The following SCFD1 variants were observed in gnomAD, a reference collection of about 807,000 sequenced individuals.
The protein encoded by SCFD1 is sec1 family domain-containing protein 1.
A neutral mutation model predicts 103.2 loss-of-function variants in SCFD1; 37 were observed. The observed-to-expected ratio is 0.36, with a 90% CI of 0.28 to 0.47. The LOEUF (loss-of-function observed/expected upper bound fraction) is 0.47, where lower values mean the gene tolerates loss of function less well. SCFD1 is among the 20% of genes least tolerant of loss of function. The pLI, the probability that SCFD1 is intolerant of heterozygous loss-of-function variation, is 1.00. For missense variants in SCFD1, 639 were observed against 761.2 expected (o/e 0.84, Z 1.89); for synonymous variants, 264 against 245.0 (o/e 1.08, Z -0.73).
At chr14:30,697,814 A>G (rs913466878) in intron 15 of SCFD1, among the ~76,000 whole-genome samples, 17 of 152,248 alleles carry the variant, frequency 1.1e-4, no homozygotes, top group East Asian at 5.8e-4. Context: ...ATGCAAGTCA[A>G]GGAAAAATGG....
intron 23 of SCFD1, among the ~76,000 whole-genome samples, chr14:30,732,314 TAC>T (rs1358703196): frequency 1.3e-5 from 2 of 152,242 alleles, no homozygotes; most frequent in Middle Eastern, 3.2e-3. Context: ...GAACCTTCAG[TAC>T]ATTGTTGAAT....
chr14:30,657,745 TAATA>T (rs1317514404), intron 10 of SCFD1, among the ~76,000 whole-genome samples: 1 of 152,220 alleles, frequency 6.6e-6, no homozygotes, highest in Non-Finnish European at 1.5e-5. Context: ...TTAAAACGCT[TAATA>T]ATTATACCCT....
At position 30,633,970 on chromosome 14, in the gene SCFD1, C is replaced by A; in HGVS notation, c.245C>A (p.Pro82His). Reference sequence around the variant, plus strand: ...AGGCTTTTACACTCTGATCGAGATCCTATTCCAGATGTTCCTGCAGTATAC... The same window carrying A: ...AGGCTTTTACACTCTGATCGAGATCATATTCCAGATGTTCCTGCAGTATAC... The part of the protein sequence containing the change: ...LHLLLHSDRD[P>H]IPDVPAVYFV... The change falls in exon 4 of 25, where the codon CCT becomes CAT. Residue 82 changes from proline (P) to histidine (H), a missense_variant. Transcript: ENST00000458591. The A allele has an allele frequency of 6.2e-7, 1 of 1,601,262 alleles. No individual in the cohort carries two copies. Among genetic ancestry groups the A allele is most frequent in the Non-Finnish European group, 8.5e-7 (1 of 1,171,740 alleles).
At chr14:30,707,937 A>AT in intron 18 of SCFD1, 53 bp from the exon 19 acceptor site, 2 of 1,179,386 alleles carry the variant, frequency 1.7e-6, no homozygotes, top group South Asian at 2.4e-5. Flanking sequence ...TCGATAACAG[A>AT]TTGGAGAGGC....
At chr14:30,716,070 G>A in intron 20 of SCFD1, 93 bp downstream of exon 20, 1 of 759,674 alleles carries the variant, frequency 1.3e-6, no homozygotes, top group Non-Finnish European at 2.3e-6. Context: ...TTCCTTGTGA[G>A]CTTAATCACA....
intron 3 of SCFD1, among the ~76,000 whole-genome samples, chr14:30,631,295 G>A (rs1409826759): frequency 6.6e-6 from 1 of 152,186 alleles, no homozygotes; most frequent in Admixed American, 6.5e-5. Flanking sequence ...AGAGGTTGCA[G>A]TGAGCCGAGA....
intron 23 of SCFD1, among the ~76,000 whole-genome samples, chr14:30,731,092 A>G (rs1594778824): frequency 6.6e-6 from 1 of 152,184 alleles, no homozygotes; most frequent in African/African-American, 2.4e-5. Flanking sequence ...TCCCAGCACC[A>G]TTTATTAAAT....
chr14:30,670,473 G>GAA, intron 11 of SCFD1, 78 bp downstream of exon 11: 2 of 1,064,292 alleles, frequency 1.9e-6, no homozygotes, highest in Non-Finnish European at 2.6e-6. Context: ...ATGAATTTGA[G>GAA]AAAAAAAAGG....
chr14:30,729,388 T>C (rs1240812619), intron 23 of SCFD1, among the ~76,000 whole-genome samples: 1 of 152,236 alleles, frequency 6.6e-6, no homozygotes, highest in Admixed American at 6.5e-5. Flanking sequence ...AAATATGGTA[T>C]GAAGATCCAG....
At chr14:30,723,973 A>G (rs1401075436) in intron 23 of SCFD1, among the ~76,000 whole-genome samples, 1 of 149,392 alleles carries the variant, frequency 6.7e-6, no homozygotes, top group Admixed American at 6.8e-5. Context: ...GAATCACCAC[A>G]CTGTCTTCCA....
chr14:30,666,848 C>G (rs1487939953), intron 10 of SCFD1, among the ~76,000 whole-genome samples: 1 of 152,094 alleles, frequency 6.6e-6, no homozygotes, highest in South Asian at 2.1e-4. Flanking sequence ...CAAGACTAAA[C>G]TGGGAAGAAT....
chr14:30,628,937 TC>T (rs1883810262), intron 2 of SCFD1, among the ~76,000 whole-genome samples: 1 of 152,210 alleles, frequency 6.6e-6, no homozygotes, highest in African/African-American at 2.4e-5. Flanking sequence ...TTGAAAACTC[TC>T]TTGAGTCTTT....
intron 2 of SCFD1, among the ~76,000 whole-genome samples, chr14:30,629,639 G>A (rs548564704): frequency 2.0e-3 from 298 of 149,136 alleles, no homozygotes; most frequent in Non-Finnish European, 3.6e-3. Flanking sequence ...ATGTAGTGGC[G>A]CAATCTCAGC....
chr14:30,733,271 G>A (rs552354411), intron 23 of SCFD1, among the ~76,000 whole-genome samples: 33 of 152,196 alleles, frequency 2.2e-4, no homozygotes, highest in African/African-American at 7.9e-4. Flanking sequence ...GCCTCCCAAA[G>A]TGCTGAGATT....
chr14:30,635,320 T>A (rs773061361), intron 4 of SCFD1, among the ~76,000 whole-genome samples: 40 of 152,116 alleles, frequency 2.6e-4, no homozygotes, highest in Non-Finnish European at 4.0e-4. Flanking sequence ...GTTCATTGGT[T>A]TTTAATATAG....
At chr14:30,676,701 A>G (rs1889060649) in intron 14 of SCFD1, 1 of 151,746 alleles carries the variant, frequency 6.6e-6, no homozygotes, top group Non-Finnish European at 1.5e-5. Flanking sequence ...ATGGTAGAAT[A>G]TGGAATCAAA....
In SCFD1 at chr14:30,653,471, TTATATG is replaced by T. The variant is rs756811784; in HGVS notation, c.756-12_756-7del. ...TGGTATCAAGAGTTATGTAATTTTT[TTATATG>T]TATATTTACAGCTTCCAGAGGCCCT... is the stretch of plus-strand genomic sequence containing the variant. On this transcript the variant is annotated splice_polypyrimidine_tract_variant and intron_variant, in intron 9 of 24. Coordinates refer to ENST00000458591, the MANE Select transcript of SCFD1 (RefSeq NM_016106.4). The T allele has an allele frequency of 6.6e-7, 1 of 1,526,230 alleles. No individual in the cohort carries two copies. Among genetic ancestry groups the T allele is most frequent in the Non-Finnish European group, 9.1e-7 (1 of 1,104,826 alleles). 94.5% of individuals were successfully genotyped at this position (1,526,230 alleles called of 1,614,324 possible). A position where few individuals can be genotyped will look rare whatever the true frequency, so the allele number is the denominator to read the frequency against.
In SCFD1 at chr14:30,639,764, C is replaced by A; in HGVS notation, c.436-13C>A. 6.4e-7 allele frequency: 1 copy of A among 1,556,354 alleles called. No homozygotes were observed. Among genetic ancestry groups the A allele is most frequent in the South Asian group, 1.2e-5 (1 of 84,158 alleles). On this transcript the variant is annotated splice_polypyrimidine_tract_variant and intron_variant, in intron 5 of 24. Transcript: ENST00000458591. The stretch of plus-strand genomic sequence containing the variant: ...TGTAAGATTGATTTGTAAACCTTTT[C>A]TTTTGTTTCTAGGTTTTTGACCAAT...
chr14:30,734,650 T>A, intron 23 of SCFD1, 140 bp from the exon 24 acceptor site: 1 of 660,992 alleles, frequency 1.5e-6, no homozygotes, highest in Non-Finnish European at 2.7e-6. Flanking sequence ...TTTAGGTAGA[T>A]GTGTATACTA....
Sources: gnomAD v4.1 joint callset for allele counts (sites outside exome capture counted in the v4.1 genomes callset) on GRCh38, gnomAD v4.1.1 for gene constraint, MANE v1.5 for transcripts, NCBI Gene and HGNC (gene_info 2026-07-23, HGNC 2026-07-21) for gene names.